Variants in COL8A2 observed in about 807,000 individuals in gnomAD.
COL8A2 encodes collagen alpha-2(VIII) chain.
COL8A2 carries 16 observed loss-of-function variants against 24.0 expected under a neutral mutation model. That is an observed-to-expected ratio of 0.67 (90% CI 0.45 to 1.01). The LOEUF (loss-of-function observed/expected upper bound fraction) is 1.01, where lower values mean the gene tolerates loss of function less well. Among genes scored for constraint, COL8A2 ranks in the 50% least tolerant of loss-of-function variants. The pLI, the probability that COL8A2 is intolerant of heterozygous loss-of-function variation, is 0.00. For missense variants in COL8A2, 818 were observed against 942.4 expected, an observed-to-expected ratio of 0.87 and a Z score of 1.73; for synonymous variants, 466 against 424.5, an observed-to-expected ratio of 1.10 and a Z score of -1.20.
chr1:36,120,494 A>G (rs1643903286), intron 1 of COL8A2, among the ~76,000 whole-genome samples: 1 of 151,870 alleles, frequency 6.6e-6, no homozygotes, highest in African/African-American at 2.4e-5. Context: ...TCACGCCTGT[A>G]ACCCCAGCAC....
chr1:36,102,664 GTTTTTTGTTTTT>G lies in COL8A2; in HGVS notation c.-16-2418_-16-2407del, dbSNP rs1456086253. ...TGTGTGAATTATATCTATAAAGCTGGTTTTTTGTTTTTTTTTTTTTTTTTTGAGATGGAGTCT... is the reference window on the plus strand; with the variant it reads ...TGTGTGAATTATATCTATAAAGCTGGTTTTTTTTTTTTTGAGATGGAGTCT... On this transcript the variant is annotated intron_variant, in intron 2 of 3. Coordinates refer to ENST00000397799, the MANE Select transcript of COL8A2 (RefSeq NM_005202.4). 3.2e-3 allele frequency among the ~76,000 whole-genome samples: 305 copies of G among 94,800 alleles called. 7 individuals are homozygous for G. Among genetic ancestry groups the G allele is most frequent in the Non-Finnish European group, 4.9e-3 (250 of 50,714 alleles). The allele number at this position is 94,800 out of a possible 152,430, so 62.2% of individuals were successfully genotyped here.
chr1:36,097,650 C>T lies in COL8A2; in HGVS notation c.2031G>A (p.Met677Ile). 14 of 1,613,614 alleles carry T rather than the reference C, an allele frequency of 8.7e-6. No individual in the cohort carries two copies. Among genetic ancestry groups the T allele is most frequent in the Non-Finnish European group, 1.2e-5 (14 of 1,180,008 alleles). Reference sequence around the variant, plus strand: ...AGAGGCCGTTGGCCTGGTCCGACGGCATCTGCACCCAGACCTGGTCGTTGG... The same window carrying T: ...AGAGGCCGTTGGCCTGGTCCGACGGTATCTGCACCCAGACCTGGTCGTTGG... ...LRPNDQVWVQ[M>I]PSDQANGLYS... The change falls in exon 4 of 4, where the codon ATG becomes ATA. Residue 677 changes from methionine to isoleucine, a missense_variant. Coordinates refer to ENST00000397799, the MANE Select transcript of COL8A2 (RefSeq NM_005202.4).
intron 1 of COL8A2, among the ~76,000 whole-genome samples, chr1:36,120,282 C>T (rs866704729): frequency 1.8e-4 from 27 of 152,042 alleles, no homozygotes; most frequent in Non-Finnish European, 3.4e-4. Context: ...GGCGAAACCC[C>T]GTCTCTACTA....
chr1:36,099,212 G>T lies in COL8A2; in HGVS notation c.469C>A (p.Pro157Thr), dbSNP rs1201376162. The change falls in exon 4 of 4, where the codon CCC (proline) becomes ACC (threonine). Residue 157 changes from proline (P) to threonine (T), a missense_variant. Transcript: ENST00000397799. Reference sequence around the variant, plus strand: ...CCCGGGAGGCCAGGGGGTCCTGGGGGTCCCCGGAGGCCCTGGTCCCCTCGT... The same window carrying T: ...CCCGGGAGGCCAGGGGGTCCTGGGGTTCCCCGGAGGCCCTGGTCCCCTCGT... ...GIRGDQGLRG[P>T]PGPPGLPGPS... The T allele has an allele frequency of 1.4e-5, 21 of 1,533,462 alleles. No homozygotes were observed. The highest frequency in any genetic ancestry group is 2.8e-5 in the African/African-American group (2 of 72,182). The allele number at this position is 1,533,462 out of a possible 1,614,324, so 95.0% of individuals were successfully genotyped here.
intron 2 of COL8A2, among the ~76,000 whole-genome samples, chr1:36,110,736 C>A (rs545756576): frequency 7.3e-4 from 111 of 152,336 alleles, no homozygotes; most frequent in African/African-American, 2.5e-3. Flanking sequence ...AAGTGATCCA[C>A]CTGCCTCGGC....
chr1:36,101,811 A>T (rs1422876949), intron 2 of COL8A2, among the ~76,000 whole-genome samples: 1 of 152,210 alleles, frequency 6.6e-6, no homozygotes, highest in Non-Finnish European at 1.5e-5. Context: ...CAGGAGGCTG[A>T]GGTGGGAGGA....
chr1:36,102,530 T>G (rs1040011781), intron 2 of COL8A2, among the ~76,000 whole-genome samples: 2 of 151,870 alleles, frequency 1.3e-5, no homozygotes, highest in Admixed American at 1.3e-4. Context: ...TCAAACTCTT[T>G]TAGGGAAGAT....
chr1:36,105,769 A>C (rs147420225), intron 2 of COL8A2, among the ~76,000 whole-genome samples: 69 of 151,704 alleles, frequency 4.5e-4, no homozygotes, highest in African/African-American at 1.6e-3. Context: ...GCACATAGTG[A>C]AACTCTGTCT....
chr1:36,104,058 G>A (rs938327975), intron 2 of COL8A2, among the ~76,000 whole-genome samples: 6 of 151,868 alleles, frequency 4.0e-5, no homozygotes, highest in Non-Finnish European at 5.9e-5. Context: ...GCCAGGCGTG[G>A]CAGCAGGCAC....
intron 1 of COL8A2, among the ~76,000 whole-genome samples, chr1:36,119,541 G>T (rs959475715): frequency 1.3e-5 from 2 of 152,148 alleles, no homozygotes; most frequent in African/African-American, 4.8e-5. Context: ...CCCTGCTGCC[G>T]CTGCAGGAGG....
chr1:36,118,863 G>C (rs1220536776), intron 1 of COL8A2, among the ~76,000 whole-genome samples: 3 of 152,220 alleles, frequency 2.0e-5, no homozygotes, highest in African/African-American at 7.2e-5. Flanking sequence ...CCTACTACGG[G>C]CAGGCTCTGG....
intron 1 of COL8A2, among the ~76,000 whole-genome samples, chr1:36,121,388 CAAAAAAAAAA>C (rs57902365): frequency 6.3e-5 from 3 of 47,636 alleles, no homozygotes; most frequent in Admixed American, 2.5e-4. Context: ...GACTCTGTCT[CAAAAAAAAAA>C]AAAAAAAAAA....
intron 1 of COL8A2, 76 bp downstream of exon 1, chr1:36,124,981 T>C (rs1250910050): frequency 7.4e-6 from 4 of 537,038 alleles, no homozygotes; most frequent in Admixed American, 6.4e-5. Context: ...CCGCATGGTG[T>C]TGGGGGAAGC....
intron 2 of COL8A2, among the ~76,000 whole-genome samples, chr1:36,109,228 G>A (rs986503626): frequency 6.6e-6 from 1 of 152,164 alleles, no homozygotes; most frequent in African/African-American, 2.4e-5. Context: ...TGTGGGATCC[G>A]GCTGCCCTGC....
intron 2 of COL8A2, among the ~76,000 whole-genome samples, chr1:36,105,998 C>T (rs1373976764): frequency 1.3e-5 from 2 of 148,910 alleles, no homozygotes; most frequent in African/African-American, 2.5e-5. Flanking sequence ...GGAGGCAGGG[C>T]GCGGTGGCTC....
chr1:36,105,964 A>AGAGAG (rs1397318944), intron 2 of COL8A2, among the ~76,000 whole-genome samples: 6 of 124,368 alleles, frequency 4.8e-5, no homozygotes, highest in Admixed American at 4.6e-4. Flanking sequence ...AAAAAAAAAA[A>AGAGAG]AAAGAGAGAG....
rs1294874308 is a variant in COL8A2, at chr1:36,096,231, A to G, written c.*1338T>C. ...GGAATGTCCACCACTCCCAGCACTC[A>G]TCTCAGCCTTATCCACTCCGCTTGA... On this transcript the variant is annotated 3_prime_UTR_variant, in exon 4 of 4. Transcript: ENST00000397799. 6.6e-6 allele frequency: 1 copy of G among 152,294 alleles called. No individual in the cohort carries two copies. Among genetic ancestry groups the G allele is most frequent in the African/African-American group, 2.4e-5 (1 of 41,468 alleles). 9.4% of individuals were successfully genotyped at this position (152,294 alleles called of 1,614,324 possible).
rs1284013457 is a variant in COL8A2 at position 36,123,598 on chromosome 1, G to A, written c.-62+1459C>T. Among the ~76,000 whole-genome samples, 2 of 152,100 alleles carry A rather than the reference G, an allele frequency of 1.3e-5. No homozygotes were observed. The highest frequency in any genetic ancestry group is 1.5e-5 in the Non-Finnish European group (1 of 68,026). On this transcript the variant is annotated intron_variant, in intron 1 of 3. Coordinates refer to ENST00000397799, the MANE Select transcript of COL8A2 (RefSeq NM_005202.4). This position sits in a 1 kb window ranked among gnomAD's most constrained non-coding sequence, Gnocchi z 4.1. ...GTCTGAGTATGTCTGGCTGGGCCAC[G>A]TGGGGCCTGCCATGTGTCTGTAGGA...
At chr1:36,099,814 G>A (rs1643647063) in intron 3 of COL8A2, among the ~76,000 whole-genome samples, 1 of 152,184 alleles carries the variant, frequency 6.6e-6, no homozygotes, top group Non-Finnish European at 1.5e-5. Context: ...GAGCCCGTGG[G>A]AGCAGAGCCC....
Sources: allele counts gnomAD v4.1 joint callset (sites outside exome capture counted in the v4.1 genomes callset), GRCh38; gene constraint gnomAD v4.1.1; non-coding constraint Gnocchi (gnomAD v3.1); transcripts MANE v1.5; gene names NCBI Gene and HGNC (gene_info 2026-07-23, HGNC 2026-07-21).